The following GPC5 variants were observed in gnomAD, a reference collection of about 807,000 sequenced individuals.
The protein encoded by GPC5 is glypican-5.
A neutral mutation model predicts 53.9 loss-of-function variants in GPC5; 47 were observed. The ratio of observed to expected loss-of-function variants is 0.87; its 90% CI spans 0.69 to 1.11. GPC5 has a LOEUF of 1.11. Ranked by LOEUF, GPC5 falls within the 50% of genes most tolerant of loss-of-function variation. The pLI, the probability that GPC5 is intolerant of heterozygous loss-of-function variation, is 0.00. For missense variants in GPC5, 748 were observed against 713.1 expected (o/e 1.05, Z -0.56); for synonymous variants, 286 against 263.3 (o/e 1.09, Z -0.84).
intron 7 of GPC5, among the ~76,000 whole-genome samples, chr13:92,592,763 A>G (rs1203863878): frequency 1.3e-5 from 2 of 151,274 alleles, no homozygotes; most frequent in Non-Finnish European, 3.0e-5. Context: ...AATTACAAAA[A>G]GTCCGAAGAT....
intron 1 of GPC5, among the ~76,000 whole-genome samples, chr13:91,406,412 T>A (rs912497712): frequency 6.6e-6 from 1 of 152,150 alleles, no homozygotes; most frequent in African/African-American, 2.4e-5. Flanking sequence ...TCTTACTTCT[T>A]CACAGCAGGC....
At chr13:91,895,514 T>G (rs2039431910) in intron 5 of GPC5, among the ~76,000 whole-genome samples, 1 of 152,212 alleles carries the variant, frequency 6.6e-6, no homozygotes, top group Admixed American at 6.5e-5. Flanking sequence ...AAGACCTTTT[T>G]GCAAGCTTGT....
At chr13:92,437,559 C>T (rs192657205) in intron 7 of GPC5, among the ~76,000 whole-genome samples, 3 of 152,120 alleles carry the variant, frequency 2.0e-5, no homozygotes, top group African/African-American at 2.4e-5. Context: ...CTTATAGTTG[C>T]GTTAAATTCA....
At chr13:92,531,749 T>C (rs1881572811) in intron 7 of GPC5, among the ~76,000 whole-genome samples, 1 of 152,198 alleles carries the variant, frequency 6.6e-6, no homozygotes, top group Non-Finnish European at 1.5e-5. Flanking sequence ...TGATCTCCAC[T>C]GTCAGCGATC....
chr13:92,812,477 C>G (rs889320451), intron 7 of GPC5, among the ~76,000 whole-genome samples: 5 of 151,558 alleles, frequency 3.3e-5, no homozygotes, highest in Admixed American at 2.0e-4. Flanking sequence ...AGGCATTTTA[C>G]AAATTAAACA....
intron 6 of GPC5, among the ~76,000 whole-genome samples, chr13:92,079,982 C>A (rs1377694455): frequency 6.6e-6 from 1 of 152,138 alleles, no homozygotes; most frequent in Non-Finnish European, 1.5e-5. Flanking sequence ...TTTCATTTTA[C>A]AATTCGTCTA....
At chr13:92,377,902 G>C (rs1390642842) in intron 7 of GPC5, among the ~76,000 whole-genome samples, 1 of 152,090 alleles carries the variant, frequency 6.6e-6, no homozygotes, top group Non-Finnish European at 1.5e-5. Flanking sequence ...TGGAAATTAG[G>C]TATAAAATAG....
intron 4 of GPC5, among the ~76,000 whole-genome samples, chr13:91,749,839 G>C (rs567274660): frequency 6.6e-6 from 1 of 152,126 alleles, no homozygotes; most frequent in African/African-American, 2.4e-5. Flanking sequence ...ACAGAGTCTC[G>C]CTGCTCTATA....
chr13:91,884,141 T>A (rs530450210), intron 5 of GPC5, among the ~76,000 whole-genome samples: 1 of 152,294 alleles, frequency 6.6e-6, no homozygotes, highest in African/African-American at 2.4e-5. Context: ...ACTTCTACAC[T>A]GTTGGTGGGA....
intron 7 of GPC5, among the ~76,000 whole-genome samples, chr13:92,716,236 A>T (rs1041788197): frequency 2.0e-5 from 3 of 152,064 alleles, no homozygotes; most frequent in African/African-American, 7.2e-5. Context: ...TTATAAGAAG[A>T]TCCCTCCATT....
chr13:91,984,471 A>T (rs1042280266), intron 6 of GPC5, among the ~76,000 whole-genome samples: 1 of 152,212 alleles, frequency 6.6e-6, no homozygotes, highest in East Asian at 1.9e-4. Context: ...TGTACAGCAC[A>T]TCATCCTAAG....
chr13:92,539,781 A>T (rs568018049), intron 7 of GPC5, among the ~76,000 whole-genome samples: 2 of 152,042 alleles, frequency 1.3e-5, no homozygotes, highest in East Asian at 3.9e-4. Flanking sequence ...CACAGAACAC[A>T]TTTTGATCAT....
intron 4 of GPC5, among the ~76,000 whole-genome samples, chr13:91,740,738 C>A (rs1594506716): frequency 6.6e-6 from 1 of 152,296 alleles, no homozygotes; most frequent in Admixed American, 6.5e-5. Context: ...ACCAAATCAA[C>A]ACAGCTGTAA....
chr13:92,659,530 G>A lies in GPC5; in HGVS notation c.1562-206752G>A, dbSNP rs182642895. On this transcript the variant is annotated intron_variant, in intron 7 of 7. Transcript: ENST00000377067. ...GAACAACTGGTCCATATATCCTGCT[G>A]CTTACTAGATGTGTGTGTTATATAG... Among the ~76,000 whole-genome samples the A allele has an allele frequency of 3.4e-4, 51 of 151,274 alleles. 1 individual carries two copies. The East Asian group carries it at 4.1e-3, about 12-fold the overall frequency.
intron 3 of GPC5, among the ~76,000 whole-genome samples, chr13:91,715,996 C>G (rs532129655): frequency 3.3e-5 from 5 of 152,042 alleles, no homozygotes; most frequent in Middle Eastern, 3.2e-3. Context: ...CCAGGCTAAT[C>G]TTGAACTCCT....
At chr13:92,414,245 C>T (rs1876180096) in intron 7 of GPC5, among the ~76,000 whole-genome samples, 1 of 152,112 alleles carries the variant, frequency 6.6e-6, no homozygotes. Flanking sequence ...TGGCTCATGC[C>T]TGTAATCCCA....
rs79303593 is a variant in GPC5 at position 91,710,838 on chromosome 13, T to C, written c.1020+16957T>C. Among the ~76,000 whole-genome samples, 624 of 151,090 alleles carry C rather than the reference T, an allele frequency of 4.1e-3. 17 individuals carry two copies. The highest frequency in any genetic ancestry group is 9.7e-4 in the Non-Finnish European group (66 of 67,878). ...TCACTCATGTTCATTTAGATGTTAA[T>C]AGGTATTCTTTGAAGAAAAAAAAAG... On this transcript the variant is annotated intron_variant, in intron 3 of 7. Transcript: ENST00000377067.
intron 2 of GPC5, among the ~76,000 whole-genome samples, chr13:91,671,881 G>A (rs1248076088): frequency 6.6e-6 from 1 of 150,612 alleles, no homozygotes; most frequent in Non-Finnish European, 1.5e-5. Context: ...CATAGTACTG[G>A]TATCAAAACA....
At chr13:92,111,162 C>T (rs2041553709) in intron 6 of GPC5, among the ~76,000 whole-genome samples, 1 of 152,158 alleles carries the variant, frequency 6.6e-6, no homozygotes, top group African/African-American at 2.4e-5. Context: ...TATCACAAAA[C>T]TAGCACTTCC....
Sources: allele counts gnomAD v4.1 joint callset (sites outside exome capture counted in the v4.1 genomes callset), GRCh38; gene constraint gnomAD v4.1.1; transcripts MANE v1.5; gene names NCBI Gene and HGNC (gene_info 2026-07-23, HGNC 2026-07-21).